Variants in NCAM2 observed in about 807,000 individuals in gnomAD.
The protein encoded by NCAM2 is N-CAM-2.
In NCAM2, 30 loss-of-function variants were observed where a neutral mutation model predicts 98.1. That is an observed-to-expected ratio of 0.31 (90% CI 0.23 to 0.41). NCAM2 has a LOEUF of 0.41. Ranked by LOEUF, NCAM2 falls within the 10% of genes least tolerant of loss-of-function variation. The pLI is 1.00. For missense variants in NCAM2, 867 were observed against 1,005.8 expected, an observed-to-expected ratio of 0.86 and a Z score of 1.87; for synonymous variants, 368 against 342.4, an observed-to-expected ratio of 1.07 and a Z score of -0.83.
rs927675061 is a variant in NCAM2, at chr21:21,068,249, C to T, written c.55+69631C>T. 5.3e-5 allele frequency among the ~76,000 whole-genome samples: 8 copies of T among 149,752 alleles called. No individual in the cohort carries two copies. The Admixed American group carries it at 5.4e-4, about 10-fold the overall frequency. ...CAGGACTCAAGAGGTTCTCCTGCCT[C>T]ATCCTCTAGAGTTGCTGGGATTATA... On this transcript the variant is annotated intron_variant, in intron 1 of 17. Transcript: ENST00000400546.
At position 21,335,661 on chromosome 21, in the gene NCAM2, C is replaced by A. The variant is rs747664034; in HGVS notation, c.894C>A (p.Val298=). ...GEDEKQAFLQ[V]FVQPHIIQLK... is the part of the protein sequence containing the mutation. ...ATGAAAAGCAAGCTTTCCTCCAAGTCTTTGGTAAGTATTATAGCATAGTGG... is the reference window on the plus strand; with the variant it reads ...ATGAAAAGCAAGCTTTCCTCCAAGTATTTGGTAAGTATTATAGCATAGTGG... The change falls in exon 7 of 18, where the codon GTC becomes GTA. Residue 298 remains valine, a synonymous_variant. Coordinates refer to ENST00000400546, the MANE Select transcript of NCAM2 (RefSeq NM_004540.5). 1.9e-6 allele frequency: 3 copies of A among 1,604,456 alleles called. No individual in the cohort carries two copies. In the Admixed American group the frequency reaches 5.1e-5, roughly 27 times the overall value.
Position 21,000,341 on chromosome 21 carries a change from G to A in NCAM2, c.55+1723G>A, listed in dbSNP as rs140717604. ...AGGAAACAAGTTTATGCAGACTTAG[G>A]ATTACATTGTGAGTGGTTTGGAGAA... On this transcript the variant is annotated intron_variant, in intron 1 of 17. Transcript: ENST00000400546. 8.6e-4 allele frequency among the ~76,000 whole-genome samples: 131 copies of A among 152,312 alleles called. 2 individuals are homozygous for A. In the East Asian group the frequency reaches 0.023, roughly 26 times the overall value.
chr21:21,401,683 C>A (rs372286045), intron 9 of NCAM2, among the ~76,000 whole-genome samples: 1 of 152,044 alleles, frequency 6.6e-6, no homozygotes, highest in South Asian at 2.1e-4. Flanking sequence ...TGTTTTGTAT[C>A]CATTCATCTA....
chr21:21,360,663 A>C (rs113512333), intron 8 of NCAM2, among the ~76,000 whole-genome samples: 197 of 151,958 alleles, frequency 1.3e-3, no homozygotes, highest in African/African-American at 4.7e-3. Context: ...TAATCAGTGC[A>C]TTATGTATAT....
rs1023089049 is a variant in NCAM2, at chr21:21,223,355, A to G, written c.56-57223A>G. On this transcript the variant is annotated intron_variant, in intron 1 of 17. Coordinates refer to ENST00000400546, the MANE Select transcript of NCAM2 (RefSeq NM_004540.5). ...GATTTTTTCATTTCATATCTGTGAG[A>G]ACCATTATACATGGTCAATACTCTG... 7.2e-5 allele frequency: 11 copies of G among 152,156 alleles called. No individual in the cohort carries two copies. The East Asian group carries it at 2.1e-3, about 29-fold the overall frequency. 9.4% of individuals were successfully genotyped at this position (152,156 alleles called of 1,614,324 possible).
chr21:21,086,657 G>T (rs1471343853), intron 1 of NCAM2, among the ~76,000 whole-genome samples: 1 of 152,028 alleles, frequency 6.6e-6, no homozygotes, highest in African/African-American at 2.4e-5. Context: ...CACCACAAAC[G>T]GTAATTAGAC....
At chr21:21,369,632 C>T (rs2075868046) in intron 8 of NCAM2, among the ~76,000 whole-genome samples, 1 of 151,778 alleles carries the variant, frequency 6.6e-6, no homozygotes, top group African/African-American at 2.4e-5. Flanking sequence ...CTGACTTTTT[C>T]ATGGTAGCCA....
At chr21:21,089,840 T>C (rs944500732) in intron 1 of NCAM2, among the ~76,000 whole-genome samples, 1 of 152,196 alleles carries the variant, frequency 6.6e-6, no homozygotes, top group Non-Finnish European at 1.5e-5. Flanking sequence ...CGTATATGGC[T>C]TGTGTGCATG....
intron 1 of NCAM2, among the ~76,000 whole-genome samples, chr21:21,227,619 T>C (rs1015149561): frequency 6.6e-6 from 1 of 151,882 alleles, no homozygotes; most frequent in African/African-American, 2.4e-5. Flanking sequence ...TAAATGTTGA[T>C]GAATAGCAAA....
intron 1 of NCAM2, among the ~76,000 whole-genome samples, chr21:21,114,755 A>G (rs1211186971): frequency 6.6e-6 from 1 of 152,126 alleles, no homozygotes; most frequent in African/African-American, 2.4e-5. Flanking sequence ...CCCCTTTAAC[A>G]TGAGTAATTC....
chr21:21,476,498 A>C (rs1602453723), intron 14 of NCAM2, among the ~76,000 whole-genome samples: 1 of 152,176 alleles, frequency 6.6e-6, no homozygotes, highest in East Asian at 1.9e-4. Flanking sequence ...TCTGTGTTTA[A>C]ATTTTTAATA....
chr21:21,153,122 G>A (rs1038899070), intron 1 of NCAM2, among the ~76,000 whole-genome samples: 5 of 150,008 alleles, frequency 3.3e-5, no homozygotes, highest in Admixed American at 6.6e-5. Flanking sequence ...AGATGAAAGG[G>A]ATTGTCTGGA....
intron 7 of NCAM2, among the ~76,000 whole-genome samples, chr21:21,337,782 T>A (rs542882344): frequency 1.3e-5 from 2 of 152,062 alleles, no homozygotes; most frequent in South Asian, 4.1e-4. Context: ...TATTGTTAAG[T>A]AAACTGAAGT....
intron 14 of NCAM2, among the ~76,000 whole-genome samples, chr21:21,473,393 T>C (rs533605785): frequency 2.4e-5 from 3 of 126,258 alleles, no homozygotes; most frequent in Non-Finnish European, 5.2e-5. Flanking sequence ...TATATATATA[T>C]TATATATAAA....
At chr21:21,530,028 T>G (rs954344824) in intron 16 of NCAM2, among the ~76,000 whole-genome samples, 1 of 147,498 alleles carries the variant, frequency 6.8e-6, no homozygotes, top group Non-Finnish European at 1.5e-5. Context: ...AGTATCTATA[T>G]GTAATTTTAT....
intron 8 of NCAM2, among the ~76,000 whole-genome samples, chr21:21,344,130 C>T (rs1289611340): frequency 2.0e-5 from 3 of 152,126 alleles, no homozygotes; most frequent in Non-Finnish European, 4.4e-5. Flanking sequence ...CTATAATAGA[C>T]AAACTCTGGG....
chr21:21,423,303 G>C (rs778944377), intron 11 of NCAM2, among the ~76,000 whole-genome samples: 1 of 152,112 alleles, frequency 6.6e-6, no homozygotes, highest in South Asian at 2.1e-4. Context: ...ATTCCAAGAG[G>C]TACCTGGTAA....
chr21:21,501,821 G>T (rs752810791), intron 15 of NCAM2, among the ~76,000 whole-genome samples: 7 of 151,770 alleles, frequency 4.6e-5, no homozygotes, highest in Non-Finnish European at 1.0e-4. Flanking sequence ...TTAAGTTTCA[G>T]TATACCAAAT....
chr21:21,509,666 A>C (rs1266581568), intron 16 of NCAM2, among the ~76,000 whole-genome samples: 1 of 152,208 alleles, frequency 6.6e-6, no homozygotes, highest in Non-Finnish European at 1.5e-5. Context: ...AATTTTCAAG[A>C]AAGTATGTAG....
Sources: allele counts gnomAD v4.1 joint callset (sites outside exome capture counted in the v4.1 genomes callset), GRCh38; gene constraint gnomAD v4.1.1; transcripts MANE v1.5; gene names NCBI Gene and HGNC (gene_info 2026-07-23, HGNC 2026-07-21).